Variants in EEF2 observed in about 807,000 individuals in gnomAD.
EEF2 encodes elongation factor 2.
Under a neutral mutation model 85.3 loss-of-function variants are expected in EEF2, and 21 were observed. That is an observed-to-expected ratio of 0.25 (90% CI 0.17 to 0.35). EEF2 has a LOEUF of 0.35. Among genes scored for constraint, EEF2 ranks in the 10% least tolerant of loss-of-function variants. EEF2 has a pLI of 1.00. For missense variants in EEF2, 825 were observed against 1,225.3 expected, an observed-to-expected ratio of 0.67 and a Z score of 4.88; for synonymous variants, 723 against 508.8, an observed-to-expected ratio of 1.42 and a Z score of -5.67.
chr19:3,982,792 T>C lies in EEF2; in HGVS notation c.612+15A>G. 6.2e-7 allele frequency: 1 copy of C among 1,604,030 alleles called. No individual in the cohort carries two copies. The highest frequency in any genetic ancestry group is 1.3e-5 in the African/African-American group (1 of 74,788). On this transcript the variant is annotated intron_variant, in intron 4 of 14. Coordinates refer to ENST00000309311, the MANE Select transcript of EEF2 (RefSeq NM_001961.4). ...CGCTGCGGCAAGCCCACCACCCAGC[T>C]AGGGAGGGCCGTACCATGATGTTGC...
chr19:3,985,132 G>A (rs1411926069), intron 1 of EEF2: 5 of 405,938 alleles, frequency 1.2e-5, no homozygotes, highest in East Asian at 3.6e-5. Context: ...CCCCATCCCC[G>A]CTAACAACCC....
intron 2 of EEF2, 119 bp from the exon 3 acceptor site, chr19:3,983,410 C>A (rs2039780063): frequency 5.4e-6 from 6 of 1,109,192 alleles, no homozygotes; most frequent in Non-Finnish European, 7.6e-6. Context: ...GAGAGGCTCC[C>A]ACAAGAGCCA....
chr19:3,980,149 T>C (rs1166221286), intron 9 of EEF2, 83 bp from the exon 10 acceptor site: 5 of 1,531,988 alleles, frequency 3.3e-6, no homozygotes, highest in Non-Finnish European at 4.4e-6. Context: ...CTCCCGGAGT[T>C]GGTGGCCCTC....
Position 3,982,987 on chromosome 19 carries a change from C to T in EEF2, c.432G>A (p.Arg144=). 1 of 1,612,638 alleles carries T rather than the reference C, an allele frequency of 6.2e-7. No homozygotes were observed. Among genetic ancestry groups the T allele is most frequent in the Non-Finnish European group, 8.5e-7 (1 of 1,179,962 alleles). The change falls in exon 4 of 15, where the codon CGG becomes CGA. Residue 144 remains arginine, a synonymous_variant. Transcript: ENST00000309311. ...GCTTGATGCGCTCGGCAATGGCCTGCCGCAGCACTGTCTCCGTCTGCACGC... is the reference window on the plus strand; with the variant it reads ...GCTTGATGCGCTCGGCAATGGCCTGTCGCAGCACTGTCTCCGTCTGCACGC... The part of the protein sequence containing the change: ...GVCVQTETVL[R]QAIAERIKPV...
At chr19:3,982,585 C>G (rs2039767689) in intron 4 of EEF2, 161 bp from the exon 5 acceptor site, 1 of 1,090,000 alleles carries the variant, frequency 9.2e-7, no homozygotes, top group Non-Finnish European at 1.4e-6. Context: ...GGGGGCCAGC[C>G]CCTCCACCAC....
Position 3,977,618 on chromosome 19 carries a change from AG to A in EEF2, c.2068-9del. 6.6e-7 allele frequency: 1 copy of A among 1,504,796 alleles called. No homozygotes were observed. The highest frequency in any genetic ancestry group is 8.8e-7 in the Non-Finnish European group (1 of 1,130,908). The allele number at this position is 1,504,796 out of a possible 1,614,324, so 93.2% of individuals were successfully genotyped here. A position where few individuals can be genotyped will look rare whatever the true frequency, so the allele number is the denominator to read the frequency against. ...CTCCTCACACAGTGCGCCCTGGGGG[AG>A]GGGGAGAGCCACCGTCAAGGGCCGG... is the stretch of plus-strand genomic sequence containing the variant. On this transcript the variant is annotated splice_polypyrimidine_tract_variant and intron_variant, in intron 12 of 14. Coordinates refer to ENST00000309311, the MANE Select transcript of EEF2 (RefSeq NM_001961.4). The surrounding 1 kb of genome is among the most constrained non-coding windows in gnomAD (Gnocchi z 5.4).
rs1409577614 is a variant in EEF2, at chr19:3,983,195, G to A, written c.315C>T (p.Ser105=). Residue 105 remains serine, a synonymous_variant, in exon 3 of 15, where the codon TCC becomes TCT. Coordinates refer to ENST00000309311, the MANE Select transcript of EEF2 (RefSeq NM_001961.4). ...CCGAGGAGAAGTCGACATGCCCGGG[G>A]GAGTCAATGAGGTTGATGAGGAAGC... ...GAGFLINLID[S]PGHVDFSSEV... The A allele has an allele frequency of 2.5e-6, 4 of 1,613,936 alleles. No homozygotes were observed. In the Admixed American group the frequency reaches 5.0e-5, roughly 20 times the overall value.
intron 11 of EEF2, among the ~76,000 whole-genome samples, 158 bp from the exon 12 acceptor site, chr19:3,978,330 G>GC (rs1440064734): frequency 6.6e-6 from 1 of 152,108 alleles, no homozygotes; most frequent in Non-Finnish European, 1.5e-5. Context: ...AGTGCCAAGC[G>GC]CATCTCACTC....
At chr19:3,981,490 G>T in intron 6 of EEF2, 38 bp from the exon 7 acceptor site, 2 of 1,584,776 alleles carry the variant, frequency 1.3e-6, no homozygotes, top group Non-Finnish European at 8.7e-7. Flanking sequence ...GCCCATTTGG[G>T]AACAGCAGGA....
chr19:3,984,743 TA>T, intron 1 of EEF2: 1 of 218,958 alleles, frequency 4.6e-6, no homozygotes, highest in Non-Finnish European at 9.3e-6. Flanking sequence ...AGCTTCATCA[TA>T]AAATGCAAGG....
In EEF2 at chr19:3,978,290, T is replaced by G. The variant is rs148318922; in HGVS notation, c.1714-118A>C. The G allele has an allele frequency of 3.6e-4, 300 of 835,688 alleles. 1 individual carries two copies. The African/African-American group carries it at 5.0e-3, about 14-fold the overall frequency. 51.8% of individuals were successfully genotyped at this position (835,688 alleles called of 1,614,324 possible). ...CCTCATACAGCCTGGTAGAGCCACG[T>G]CAATCAGAACGAAGCGGAGTCAGTG... On this transcript the variant is annotated intron_variant, in intron 11 of 14. Coordinates refer to ENST00000309311, the MANE Select transcript of EEF2 (RefSeq NM_001961.4).
In EEF2 at chr19:3,976,281, T is replaced by G; in HGVS notation, c.*273A>C. On this transcript the variant is annotated 3_prime_UTR_variant, in exon 15 of 15. Transcript: ENST00000309311. The stretch of plus-strand genomic sequence containing the variant: ...TTTCCCTCTGAAGAAATGGAAAAAG[T>G]GTTGGGTGTCCCATCCCGCCTCCCC... The G allele has an allele frequency of 4.6e-6, 2 of 438,502 alleles. No individual in the cohort carries two copies. Among genetic ancestry groups the G allele is most frequent in the South Asian group, 5.7e-5 (2 of 35,382 alleles). The allele number at this position is 438,502 out of a possible 1,614,324, so 27.2% of individuals were successfully genotyped here.
chr19:3,980,491 C>G, intron 9 of EEF2, 23 bp downstream of exon 9: 1 of 1,604,240 alleles, frequency 6.2e-7, no homozygotes. Context: ...GCCAAGGGGC[C>G]TGCACATCAC....
chr19:3,979,635 A>G (rs1389386241), intron 10 of EEF2, among the ~76,000 whole-genome samples, 173 bp downstream of exon 10: 2 of 152,232 alleles, frequency 1.3e-5, no homozygotes, highest in African/African-American at 2.4e-5. Context: ...AGCCTAGGAG[A>G]GGGTGGTGGC....
At chr19:3,985,050 G>A (rs1342304874) in intron 1 of EEF2, 39 of 350,326 alleles carry the variant, frequency 1.1e-4, no homozygotes, top group Non-Finnish European at 5.1e-6. Context: ...GGTTACATAA[G>A]GCGCCTCCCT....
chr19:3,981,821 T>G (rs532874693), intron 6 of EEF2, 126 bp downstream of exon 6: 10 of 839,802 alleles, frequency 1.2e-5, no homozygotes, highest in Middle Eastern at 3.6e-4. Context: ...GAGCTGTGCC[T>G]CCTCCCATCT....
chr19:3,979,080 C>G (rs1008684177), intron 11 of EEF2, among the ~76,000 whole-genome samples: 1 of 151,982 alleles, frequency 6.6e-6, no homozygotes, highest in African/African-American at 2.4e-5. Context: ...TCTAGCGAGC[C>G]AAGATCACGC....
intron 1 of EEF2, 110 bp downstream of exon 1, chr19:3,985,268 C>G: frequency 1.1e-5 from 14 of 1,236,452 alleles, no homozygotes; most frequent in Non-Finnish European, 1.5e-5. Flanking sequence ...GCCCCGCCGC[C>G]GCTACGTCTC....
intron 1 of EEF2, 24 bp from the exon 2 acceptor site, chr19:3,984,374 A>C: frequency 6.2e-7 from 1 of 1,608,964 alleles, no homozygotes; most frequent in Non-Finnish European, 8.5e-7. Flanking sequence ...GGAGGCTCAG[A>C]CCAGCTCGTG....
Sources: allele counts gnomAD v4.1 joint callset (sites outside exome capture counted in the v4.1 genomes callset), GRCh38; gene constraint gnomAD v4.1.1; non-coding constraint Gnocchi (gnomAD v3.1); transcripts MANE v1.5; gene names NCBI Gene and HGNC (gene_info 2026-07-23, HGNC 2026-07-21).